The following CDH2 variants were observed in gnomAD, a reference collection of about 807,000 sequenced individuals.
CDH2 encodes the protein cadherin 2.
A neutral mutation model predicts 92.0 loss-of-function variants in CDH2; 17 were observed. The observed-to-expected ratio is 0.18, with a 90% CI of 0.13 to 0.28. CDH2 has a LOEUF of 0.28. Among genes scored for constraint, CDH2 ranks in the 10% least tolerant of loss-of-function variants. The probability of loss-of-function intolerance (pLI) is 1.00; values close to 1 mark genes in which losing one functional copy is unlikely to be tolerated. For synonymous variants in CDH2, 419 were observed against 415.9 expected (o/e 1.01, Z -0.09); for missense variants, 862 against 1,133.1 (o/e 0.76, Z 3.44).
At chr18:28,131,614 T>C (rs17494871) in intron 2 of CDH2, among the ~76,000 whole-genome samples, 1,924 of 152,050 alleles carry the variant, frequency 0.013, 40 homozygotes, top group African/African-American at 0.043. Context: ...TAGAAGAAAA[T>C]TGGTCCATTT....
chr18:27,946,906 A>G (rs1425661744), downstream of CDH2, among the ~76,000 whole-genome samples: 2 of 151,960 alleles, frequency 1.3e-5, no homozygotes, highest in Non-Finnish European at 2.9e-5. Flanking sequence ...GTAGATGAAG[A>G]AAGTGTTATA....
chr18:28,069,215 AT>A (rs1030635649), intron 2 of CDH2, among the ~76,000 whole-genome samples: 3 of 152,220 alleles, frequency 2.0e-5, no homozygotes, highest in Non-Finnish European at 4.4e-5. Context: ...AGTTTTGGAA[AT>A]GTGATCACAC....
chr18:28,065,789 T>G (rs17446211), intron 2 of CDH2, among the ~76,000 whole-genome samples: 1 of 152,204 alleles, frequency 6.6e-6, no homozygotes, highest in Non-Finnish European at 1.5e-5. Context: ...ATCTGAGAAG[T>G]ATACGAAGAT....
downstream of CDH2, among the ~76,000 whole-genome samples, chr18:27,948,719 T>C (rs780175116): frequency 1.3e-5 from 2 of 151,952 alleles, no homozygotes; most frequent in Non-Finnish European, 2.9e-5. Context: ...ATTGTTAACA[T>C]GAGGTATCTT....
chr18:27,965,056 T>C (rs1225771037), intron 14 of CDH2, among the ~76,000 whole-genome samples: 4 of 152,206 alleles, frequency 2.6e-5, no homozygotes, highest in Non-Finnish European at 2.9e-5. Flanking sequence ...CTATCAATGG[T>C]GCCTAAGAAA....
chr18:28,016,781 T>C (rs1221470185), intron 2 of CDH2, among the ~76,000 whole-genome samples: 1 of 152,074 alleles, frequency 6.6e-6, no homozygotes, highest in Non-Finnish European at 1.5e-5. Flanking sequence ...ATCTGAAAAA[T>C]GCATACGAAG....
chr18:28,018,231 C>A (rs560117427), intron 2 of CDH2, among the ~76,000 whole-genome samples: 1 of 149,406 alleles, frequency 6.7e-6, no homozygotes, highest in African/African-American at 2.4e-5. Context: ...AAAAAAATCA[C>A]AGATGACACA....
At chr18:28,040,197 C>T (rs995674385) in intron 2 of CDH2, among the ~76,000 whole-genome samples, 1 of 152,162 alleles carries the variant, frequency 6.6e-6, no homozygotes, top group Non-Finnish European at 1.5e-5. Flanking sequence ...CCTAACCACT[C>T]ACTTTACAGC....
chr18:27,945,323 A>ATTTTTTTTTTTT (rs66537834), intron 6 of CDH2, among the ~76,000 whole-genome samples: 33 of 66,454 alleles, frequency 5.0e-4, no homozygotes, highest in African/African-American at 1.7e-3. Flanking sequence ...AGGAAGGAAG[A>ATTTTTTTTTTTT]TTTTTTTTTT....
chr18:28,054,264 T>G lies in CDH2; in HGVS notation c.173-40355A>C, dbSNP rs183040206. Among the ~76,000 whole-genome samples the G allele has an allele frequency of 3.0e-3, 451 of 152,272 alleles. 2 individuals carry two copies. The highest frequency in any genetic ancestry group is 5.2e-3 in the Non-Finnish European group (352 of 68,020). ...GACTCAGAAGCTGTGCCTTTTTTAT[T>G]TTTAAGCAAAATGGGTAAACCTTAC... On this transcript the variant is annotated intron_variant, in intron 2 of 15. Coordinates refer to ENST00000269141, the MANE Select transcript of CDH2 (RefSeq NM_001792.5).
At chr18:28,149,793 A>C (rs886450568) in intron 1 of CDH2, among the ~76,000 whole-genome samples, 2 of 152,224 alleles carry the variant, frequency 1.3e-5, no homozygotes, top group African/African-American at 4.8e-5. Context: ...AAAAAGACTG[A>C]AGGAAACCAG....
intron 2 of CDH2, among the ~76,000 whole-genome samples, chr18:28,031,878 T>C (rs1372160945): frequency 6.6e-6 from 1 of 152,146 alleles, no homozygotes; most frequent in African/African-American, 2.4e-5. Flanking sequence ...CAGAGCCGAC[T>C]TGTCCAGTCA....
At chr18:28,005,124 G>A (rs561716906) in intron 6 of CDH2, among the ~76,000 whole-genome samples, 2 of 152,282 alleles carry the variant, frequency 1.3e-5, no homozygotes, top group Admixed American at 1.3e-4. Flanking sequence ...CCAACTGATT[G>A]TCTTGTCCAC....
intron 1 of CDH2, among the ~76,000 whole-genome samples, chr18:28,175,881 G>T (rs906999634): frequency 6.6e-6 from 1 of 152,228 alleles, no homozygotes; most frequent in Non-Finnish European, 1.5e-5. Flanking sequence ...CCCCACGGCA[G>T]GCGGAGACCG....
chr18:28,057,932 G>GA (rs1313322369), intron 2 of CDH2, among the ~76,000 whole-genome samples: 1 of 152,054 alleles, frequency 6.6e-6, no homozygotes, highest in Admixed American at 6.6e-5. Flanking sequence ...ACAAGTCATG[G>GA]AAAAAATATT....
intron 2 of CDH2, among the ~76,000 whole-genome samples, chr18:28,041,299 A>G (rs1346010495): frequency 6.6e-6 from 1 of 152,256 alleles, no homozygotes; most frequent in Non-Finnish European, 1.5e-5. Flanking sequence ...TTACTTAGAA[A>G]TAAGGTATAC....
chr18:28,002,131 T>C (rs1419326283), intron 7 of CDH2, among the ~76,000 whole-genome samples: 1 of 152,192 alleles, frequency 6.6e-6, no homozygotes, highest in African/African-American at 2.4e-5. Flanking sequence ...TGAAAAAGTT[T>C]CACCAGGAGT....
At chr18:28,030,695 G>A (rs1245130419) in intron 2 of CDH2, among the ~76,000 whole-genome samples, 1 of 152,014 alleles carries the variant, frequency 6.6e-6, no homozygotes, top group Non-Finnish European at 1.5e-5. Context: ...TCCAAAGAAT[G>A]GGGCTCGGGC....
At chr18:28,086,773 CCTT>C (rs1225181437) in intron 2 of CDH2, among the ~76,000 whole-genome samples, 1 of 152,148 alleles carries the variant, frequency 6.6e-6, no homozygotes, top group African/African-American at 2.4e-5. Flanking sequence ...TGCAGAGTTC[CCTT>C]TACCTTCTTT....
Sources: allele counts gnomAD v4.1 joint callset (sites outside exome capture counted in the v4.1 genomes callset), GRCh38; gene constraint gnomAD v4.1.1; transcripts MANE v1.5; gene names NCBI Gene and HGNC (gene_info 2026-07-23, HGNC 2026-07-21).